Variants in PCDHA5 observed in about 807,000 individuals in gnomAD.
PCDHA5 encodes the protein protocadherin alpha 5, also known as protocadherin alpha-5.
A neutral mutation model predicts 61.6 loss-of-function variants in PCDHA5; 43 were observed. That is an observed-to-expected ratio of 0.70 (90% confidence interval 0.55 to 0.90). The LOEUF is 0.90. Among genes scored for constraint, PCDHA5 ranks in the 40% least tolerant of loss-of-function variants. The probability of loss-of-function intolerance (pLI) is 0.00; values close to 1 mark genes in which losing one functional copy is unlikely to be tolerated. For missense variants in PCDHA5, 1,298 were observed against 1,222.7 expected (o/e 1.06, Z -0.92); for synonymous variants, 627 against 543.9 (o/e 1.15, Z -2.13).
intron 1 of PCDHA5, among the ~76,000 whole-genome samples, chr5:140,908,701 C>A (rs2074102440): frequency 6.6e-6 from 1 of 152,218 alleles, no homozygotes; most frequent in Admixed American, 6.5e-5. Context: ...ACACCTCAAG[C>A]ACCATTGGAT....
intron 1 of PCDHA5, among the ~76,000 whole-genome samples, chr5:140,922,833 T>C (rs1443634582): frequency 6.6e-6 from 1 of 152,332 alleles, no homozygotes; most frequent in Admixed American, 6.5e-5. Flanking sequence ...TGCTAATAGA[T>C]GTCCTCAAAG....
At chr5:140,967,102 G>T (rs1279026258) in intron 1 of PCDHA5, 1 of 1,612,978 alleles carries the variant, frequency 6.2e-7, no homozygotes, top group African/African-American at 1.3e-5. Context: ...CGCTGTGTGA[G>T]CAGCGGCCTC....
chr5:140,917,223 C>G (rs1351907671), intron 1 of PCDHA5, among the ~76,000 whole-genome samples: 3 of 150,934 alleles, frequency 2.0e-5, no homozygotes, highest in African/African-American at 7.3e-5. Context: ...TTTAGTGATA[C>G]GTTGTTAAAT....
At chr5:140,964,783 A>C (rs2095854085) in intron 1 of PCDHA5, among the ~76,000 whole-genome samples, 1 of 152,018 alleles carries the variant, frequency 6.6e-6, no homozygotes, top group East Asian at 1.9e-4. Context: ...AAGAGGAAGA[A>C]GCCAGAGACC....
chr5:141,010,545 A>G lies in PCDHA5; in HGVS notation c.*608A>G. On this transcript the variant is annotated 3_prime_UTR_variant, in exon 4 of 4. Coordinates refer to ENST00000529859, the MANE Select transcript of PCDHA5 (RefSeq NM_018908.3). ...GGTGGCAGCCACCCTCTAGGAGACAAAACTACCCCCACTGACAAGGCTTTA... is the reference window on the plus strand; with the variant it reads ...GGTGGCAGCCACCCTCTAGGAGACAGAACTACCCCCACTGACAAGGCTTTA... 1 of 343,382 alleles carries G rather than the reference A, an allele frequency of 2.9e-6. No individual in the cohort carries two copies. 21.3% of individuals were successfully genotyped at this position (343,382 alleles called of 1,614,324 possible).
chr5:140,966,355 G>C (rs2095993623), intron 1 of PCDHA5: 1 of 400,198 alleles, frequency 2.5e-6, no homozygotes, highest in Non-Finnish European at 4.4e-6. Context: ...AGGAGATGGG[G>C]CTGGAGAGGC....
chr5:140,854,565 T>C (rs2043162230), intron 1 of PCDHA5: 1 of 150,016 alleles, frequency 6.7e-6, no homozygotes, highest in Non-Finnish European at 1.5e-5. Context: ...ATTGTTGCTC[T>C]GTCATTCAGA....
chr5:140,828,508 A>G (rs2150156206), intron 1 of PCDHA5: 4 of 1,614,216 alleles, frequency 2.5e-6, no homozygotes, highest in Non-Finnish European at 3.4e-6. Flanking sequence ...AGGAACAAAG[A>G]GTGCTGATTT....
intron 1 of PCDHA5, chr5:140,830,025 A>G (rs1770760911): frequency 6.2e-7 from 1 of 1,613,706 alleles, no homozygotes. Flanking sequence ...TCTCCGCGCC[A>G]CCGGCTGCTG....
chr5:140,894,941 C>T (rs2064738715), intron 1 of PCDHA5, among the ~76,000 whole-genome samples: 1 of 152,272 alleles, frequency 6.6e-6, no homozygotes, highest in East Asian at 1.9e-4. Context: ...CAGCTATTGT[C>T]ATGAAATGAT....
intron 1 of PCDHA5, among the ~76,000 whole-genome samples, chr5:140,873,335 T>C (rs192894155): frequency 6.6e-6 from 1 of 152,358 alleles, no homozygotes; most frequent in African/African-American, 2.4e-5. Flanking sequence ...CATACATTAC[T>C]CATCTCCAGA....
intron 1 of PCDHA5, among the ~76,000 whole-genome samples, chr5:140,846,701 G>A (rs1554141463): frequency 1.3e-5 from 2 of 149,318 alleles, no homozygotes; most frequent in South Asian, 2.1e-4. Flanking sequence ...AAGTAGAGAA[G>A]ATTGTAATAA....
chr5:140,964,338 G>T (rs2153739261), intron 1 of PCDHA5, among the ~76,000 whole-genome samples: 1 of 152,320 alleles, frequency 6.6e-6, no homozygotes, highest in South Asian at 2.1e-4. Flanking sequence ...AACCTGGCAG[G>T]TGTCCTTGCT....
At chr5:140,884,119 C>T (rs782009154) in intron 1 of PCDHA5, 1 of 1,613,310 alleles carries the variant, frequency 6.2e-7, no homozygotes. Context: ...CGGCGGTCGG[C>T]GCGCGCATCC....
intron 1 of PCDHA5, among the ~76,000 whole-genome samples, chr5:140,944,243 A>C (rs1202248629): frequency 2.6e-5 from 4 of 152,208 alleles, no homozygotes; most frequent in Non-Finnish European, 2.9e-5. Context: ...GCTGGAGTGC[A>C]GTGATGTGAT....
At chr5:141,005,437 C>T (rs1469007749) in intron 3 of PCDHA5, among the ~76,000 whole-genome samples, 4 of 152,092 alleles carry the variant, frequency 2.6e-5, no homozygotes, top group African/African-American at 7.2e-5. Context: ...GGATGAGAGG[C>T]TCACGCCTGT....
chr5:141,003,057 TCCA>T (rs2098109750), intron 3 of PCDHA5, among the ~76,000 whole-genome samples: 1 of 152,194 alleles, frequency 6.6e-6, no homozygotes, highest in African/African-American at 2.4e-5. Context: ...ACAGAACAGT[TCCA>T]AATGCAGATG....
Position 140,968,423 on chromosome 5 carries a change from G to A in PCDHA5, c.2353-10526G>A, listed in dbSNP as rs782235507. The A allele has an allele frequency of 1.9e-6, 3 of 1,614,028 alleles. No homozygotes were observed. The South Asian group carries it at 3.3e-5, about 18-fold the overall frequency. On this transcript the variant is annotated intron_variant, in intron 1 of 3. Transcript: ENST00000529859. ...GTTCTTTGTGACTGTGGAGGCTCAG[G>A]ACAAGGGGAGCCCACCACTGAGCAG...
intron 1 of PCDHA5, chr5:140,850,460 G>A (rs2150485288): frequency 1.3e-6 from 2 of 1,597,976 alleles, no homozygotes; most frequent in Non-Finnish European, 1.7e-6. Flanking sequence ...AAGACCACGG[G>A]GAGCCAGCGC....
Sources: gnomAD v4.1 joint callset for allele counts (sites outside exome capture counted in the v4.1 genomes callset) on GRCh38, gnomAD v4.1.1 for gene constraint, MANE v1.5 for transcripts, NCBI Gene and HGNC (gene_info 2026-07-23, HGNC 2026-07-21) for gene names.